Variants in ZNF836 observed in about 807,000 individuals in gnomAD.
The protein encoded by ZNF836 is zinc finger protein 836.
Under a neutral mutation model 7.4 loss-of-function variants are expected in ZNF836, and 12 were observed. The ratio of observed to expected loss-of-function variants is 1.61; its 90% CI spans 1.03 to 2.61. The LOEUF (loss-of-function observed/expected upper bound fraction) is 2.61. Ranked by LOEUF, ZNF836 falls within the 30% of genes most tolerant of loss-of-function variation. The probability of loss-of-function intolerance (pLI) is 0.00; values close to 1 mark genes in which losing one functional copy is unlikely to be tolerated. For missense variants in ZNF836, 998 were observed against 1,126.2 expected (o/e 0.89, Z 1.63); for synonymous variants, 365 against 382.6 (o/e 0.95, Z 0.54).
intron 3 of ZNF836, among the ~76,000 whole-genome samples, chr19:52,166,351 C>T (rs2089263876): frequency 6.6e-6 from 1 of 151,906 alleles, no homozygotes; most frequent in African/African-American, 2.4e-5. Context: ...TTCCTTGATG[C>T]CCCATGTTTT....
intron 4 of ZNF836, among the ~76,000 whole-genome samples, chr19:52,158,043 C>T (rs1407584426): frequency 2.0e-5 from 3 of 152,010 alleles, no homozygotes; most frequent in Non-Finnish European, 4.4e-5. Flanking sequence ...TAGAATTCTT[C>T]AGTAAAGAAA....
Position 52,155,759 on chromosome 19 carries a change from C to T in ZNF836, c.1924G>A (p.Glu642Lys), listed in dbSNP as rs781220366. 8 of 1,614,110 alleles carry T rather than the reference C, an allele frequency of 5.0e-6. No homozygotes were observed. The East Asian group carries it at 6.7e-5, about 13-fold the overall frequency. Residue 642 changes from glutamate (E) to lysine (K), a missense_variant, in exon 5 of 5, where the codon GAA becomes AAA. By Grantham distance (56) the Glu-to-Lys change is moderately conservative. Coordinates refer to ENST00000682614, the MANE Select transcript of ZNF836 (RefSeq NM_001102657.3). The stretch of plus-strand genomic sequence containing the variant: ...TAGTAACTGAAAACCTTGCCGCATT[C>T]GTTACATTGAAACGGCTTCTCTCCA... ...HTGEKPFQCN[E>K]CGKVFSYYSC...
Position 52,156,057 on chromosome 19 carries a change from T to G in ZNF836, c.1626A>C (p.Val542=). Residue 542 remains valine (V), a synonymous_variant, in exon 5 of 5, where the codon GTA becomes GTC. Transcript: ENST00000682614. ...GKVFSENSCL[V]RHLRIHTGEQ... ...CCCCAGTATGAATTCTTAAATGTCTTACAAGGCATGAATTTTCACTAAAGA... is the reference window on the plus strand; with the variant it reads ...CCCCAGTATGAATTCTTAAATGTCTGACAAGGCATGAATTTTCACTAAAGA... 6.2e-7 allele frequency: 1 copy of G among 1,614,082 alleles called. No homozygotes were observed. The highest frequency in any genetic ancestry group is 2.2e-5 in the East Asian group (1 of 44,888).
intron 3 of ZNF836, among the ~76,000 whole-genome samples, chr19:52,164,124 C>T (rs1360717466): frequency 2.0e-5 from 3 of 151,632 alleles, no homozygotes; most frequent in Middle Eastern, 3.4e-3. Flanking sequence ...GGTGCAGTGG[C>T]TCACGACCTG....
chr19:52,160,651 TGAGAA>T (rs1310964635), intron 3 of ZNF836, 60 bp from the exon 4 acceptor site: 2 of 1,531,060 alleles, frequency 1.3e-6, no homozygotes, highest in South Asian at 2.6e-5. Context: ...ATACATAAAA[TGAGAA>T]GAGGAGAGAA....
chr19:52,157,653 C>T (rs1267552651), intron 4 of ZNF836, 113 bp from the exon 5 acceptor site: 2 of 1,014,682 alleles, frequency 2.0e-6, no homozygotes, highest in East Asian at 2.9e-5. Flanking sequence ...TCACTGTGAC[C>T]TCCACCTCCT....
In ZNF836 at chr19:52,168,106, C is replaced by G. The variant is rs764614282; in HGVS notation, c.-34G>C. On this transcript the variant is annotated 5_prime_UTR_variant, in exon 3 of 5. Transcript: ENST00000682614. Reference sequence around the variant, plus strand: ...CCTTTTCTTTCCTCTTCTTCCTCTTCTGGGCTTCTCTCTCAGTCAATATAA... The same window carrying G: ...CCTTTTCTTTCCTCTTCTTCCTCTTGTGGGCTTCTCTCTCAGTCAATATAA... 6 of 1,608,882 alleles carry G rather than the reference C, an allele frequency of 3.7e-6. No individual in the cohort carries two copies. In the East Asian group the frequency reaches 8.9e-5, roughly 24 times the overall value.
rs1362596268 is a variant in ZNF836, at chr19:52,156,013, T to C, written c.1670A>G (p.Asn557Ser). 2.3e-5 allele frequency: 37 copies of C among 1,613,950 alleles called. No homozygotes were observed. Among genetic ancestry groups the C allele is most frequent in the Non-Finnish European group, 3.0e-5 (35 of 1,179,910 alleles). The change falls in exon 5 of 5, where the codon AAT (asparagine) becomes AGT (serine). Residue 557 changes from asparagine to serine, a missense_variant. By Grantham distance (46) the Asn-to-Ser change is conservative. Transcript: ENST00000682614. ...IHTGEQPYKC[N>S]VCGKVFNYSG... ...GTAATTGAAGACCTTGCCACACACA[T>C]TACATTTGTAAGGTTGCTCCCCAGT...
chr19:52,163,259 C>CA (rs1163593152), intron 3 of ZNF836, among the ~76,000 whole-genome samples: 2 of 152,200 alleles, frequency 1.3e-5, no homozygotes, highest in Non-Finnish European at 2.9e-5. Context: ...CACTTGGCTA[C>CA]ACCCCTCTTG....
Position 52,157,098 on chromosome 19 carries a change from A to G in ZNF836, c.585T>C (p.Tyr195=). 1 of 1,613,826 alleles carries G rather than the reference A, an allele frequency of 6.2e-7. No homozygotes were observed. The highest frequency in any genetic ancestry group is 2.2e-5 in the East Asian group (1 of 44,862). ...PSVQTNISKK[Y]ENEFLQLSLP... ...ATGACAGCTGCAAAAACTCATTCTCATATTTTTTAGAAATGTTGGTTTGGA... is the reference window on the plus strand; with the variant it reads ...ATGACAGCTGCAAAAACTCATTCTCGTATTTTTTAGAAATGTTGGTTTGGA... The change falls in exon 5 of 5, where the codon TAT becomes TAC. Residue 195 remains tyrosine (Y), a synonymous_variant. Transcript: ENST00000682614.
intron 3 of ZNF836, 120 bp from the exon 4 acceptor site, chr19:52,160,711 G>A: frequency 8.0e-7 from 1 of 1,247,058 alleles, no homozygotes; most frequent in Non-Finnish European, 1.1e-6. Context: ...TCCATGCAAG[G>A]CATCTGTGAG....
At chr19:52,162,147 T>C (rs1037023696) in intron 3 of ZNF836, among the ~76,000 whole-genome samples, 3 of 152,194 alleles carry the variant, frequency 2.0e-5, no homozygotes, top group Non-Finnish European at 2.9e-5. Context: ...TCACCCCACA[T>C]GGAAGTTCTC....
intron 1 of ZNF836, among the ~76,000 whole-genome samples, chr19:52,170,547 T>A (rs952080540): frequency 6.6e-6 from 1 of 151,896 alleles, no homozygotes; most frequent in Non-Finnish European, 1.5e-5. Flanking sequence ...CTGTCTGCAG[T>A]GCCTCCTCCT....
intron 3 of ZNF836, among the ~76,000 whole-genome samples, chr19:52,166,591 T>TG (rs1555788103): frequency 6.7e-6 from 1 of 150,156 alleles, no homozygotes; most frequent in Non-Finnish European, 1.5e-5. Context: ...TTTTTTTTTT[T>TG]GAGACGGAGT....
intron 3 of ZNF836, among the ~76,000 whole-genome samples, chr19:52,167,700 C>T (rs2089277947): frequency 6.6e-6 from 1 of 152,044 alleles, no homozygotes; most frequent in South Asian, 2.1e-4. Flanking sequence ...TATGTGACTT[C>T]CGTGTGCAGC....
Position 52,156,724 on chromosome 19 carries a change from T to C in ZNF836, c.959A>G (p.His320Arg). Residue 320 changes from histidine (H) to arginine (R), a missense_variant, in exon 5 of 5, where the codon CAT (histidine) becomes CGT (arginine). Coordinates refer to ENST00000682614, the MANE Select transcript of ZNF836 (RefSeq NM_001102657.3). ...SFSQSYNLAI[H>R]QRIHTGEKPY... is the part of the protein sequence containing the mutation. ...TTTCTCTCCAGTGTGAATTCTCTGA[T>C]GTATTGCAAGGTTATAACTTTGACT... 6.2e-7 allele frequency: 1 copy of C among 1,606,798 alleles called. No homozygotes were observed. Among genetic ancestry groups the C allele is most frequent in the Non-Finnish European group, 8.5e-7 (1 of 1,174,992 alleles).
chr19:52,156,141 A>G lies in ZNF836; in HGVS notation c.1542T>C (p.Thr514=). ...GKAFKQGSLL[T]RHKIIHTREK... is the part of the protein sequence containing the mutation. ...CTCTGGTATGAATTATCTTATGTCG[A>G]GTGAGTAATGAGCCCTGTTTAAAGG... Residue 514 remains threonine, a synonymous_variant, in exon 5 of 5, where the codon ACT becomes ACC. Transcript: ENST00000682614. 6.2e-7 allele frequency: 1 copy of G among 1,614,120 alleles called. No individual in the cohort carries two copies.
At chr19:52,167,941 G>A (rs2122231402) in intron 3 of ZNF836, 117 bp downstream of exon 3, 5 of 760,188 alleles carry the variant, frequency 6.6e-6, no homozygotes, top group Admixed American at 4.2e-5. Flanking sequence ...AGGCATGGGT[G>A]AATGGCAGCA....
At chr19:52,158,686 T>G (rs1185628304) in intron 4 of ZNF836, among the ~76,000 whole-genome samples, 1 of 152,098 alleles carries the variant, frequency 6.6e-6, no homozygotes, top group Non-Finnish European at 1.5e-5. Context: ...GAGGTTGTAG[T>G]GAGCTGAGAT....
Sources: allele counts gnomAD v4.1 joint callset (sites outside exome capture counted in the v4.1 genomes callset), GRCh38; gene constraint gnomAD v4.1.1; transcripts MANE v1.5; gene names NCBI Gene and HGNC (gene_info 2026-07-23, HGNC 2026-07-21).